The following SNTB1 variants were observed in gnomAD, a reference collection of about 807,000 sequenced individuals.
SNTB1 encodes beta-1-syntrophin.
Under a neutral mutation model 48.9 loss-of-function variants are expected in SNTB1, and 36 were observed. The observed-to-expected ratio is 0.74, with a 90% CI of 0.56 to 0.97. SNTB1 has a LOEUF of 0.97. Ranked by LOEUF, SNTB1 falls within the 50% of genes least tolerant of loss-of-function variation. SNTB1 has a pLI of 0.00. For synonymous variants in SNTB1, 299 were observed against 294.6 expected (o/e 1.01, Z -0.15); for missense variants, 786 against 703.4 (o/e 1.12, Z -1.33).
intron 1 of SNTB1, among the ~76,000 whole-genome samples, chr8:120,746,796 T>G (rs1587131174): frequency 6.6e-6 from 1 of 152,346 alleles, no homozygotes; most frequent in African/African-American, 2.4e-5. Context: ...TTTCCTATAT[T>G]CAGGCTATAG....
intron 3 of SNTB1, among the ~76,000 whole-genome samples, chr8:120,599,707 A>T (rs1470954851): frequency 6.6e-6 from 1 of 152,330 alleles, no homozygotes; most frequent in East Asian, 1.9e-4. Context: ...TGTCAAAGAG[A>T]TGTCGTAGTT....
chr8:120,571,418 C>A (rs1815842355), intron 4 of SNTB1: 1 of 1,005,592 alleles, frequency 9.9e-7, no homozygotes, highest in South Asian at 1.3e-5. Flanking sequence ...TCTCATGGAC[C>A]CCAAGGCACA....
rs764361263 is a variant in SNTB1 at position 120,548,857 on chromosome 8, A to G, written c.1238T>C (p.Phe413Ser). ...GAGGTCCCTGCTGGTCTCTGCTCTGAAGAGATGTGTTTCAATCCCTTGCCT... is the reference window on the plus strand; with the variant it reads ...GAGGTCCCTGCTGGTCTCTGCTCTGGAGAGATGTGTTTCAATCCCTTGCCT... ...GTRQGIETHLFRAETSRDLSH... is the reference protein window; with the variant it reads ...GTRQGIETHLSRAETSRDLSH... Residue 413 changes from phenylalanine to serine, a missense_variant, in exon 5 of 7, where the codon TTC becomes TCC. Coordinates refer to ENST00000517992, the MANE Select transcript of SNTB1 (RefSeq NM_021021.4). The G allele has an allele frequency of 2.5e-5, 41 of 1,613,756 alleles. No homozygotes were observed. The Middle Eastern group carries it at 4.9e-4, about 19-fold the overall frequency.
chr8:120,610,398 T>C (rs944972719), intron 3 of SNTB1, among the ~76,000 whole-genome samples: 1 of 152,214 alleles, frequency 6.6e-6, no homozygotes, highest in Non-Finnish European at 1.5e-5. Flanking sequence ...CCTCCCAAAG[T>C]GCTGGGATTA....
intron 1 of SNTB1, among the ~76,000 whole-genome samples, chr8:120,724,760 G>A (rs1189421790): frequency 1.3e-5 from 2 of 152,194 alleles, no homozygotes; most frequent in Admixed American, 6.5e-5. Context: ...GAATTGCACC[G>A]TTGAACTAGG....
chr8:120,753,946 C>T (rs773814622), intron 1 of SNTB1, among the ~76,000 whole-genome samples: 15 of 152,146 alleles, frequency 9.9e-5, no homozygotes, highest in Non-Finnish European at 2.1e-4. Flanking sequence ...ACTGATCCTG[C>T]AATCATAGAT....
At position 120,556,504 on chromosome 8, in the gene SNTB1, C is replaced by T. The variant is rs867220491; in HGVS notation, c.1137-7546G>A. 1.8e-4 allele frequency among the ~76,000 whole-genome samples: 27 copies of T among 152,260 alleles called. No individual in the cohort carries two copies. The Middle Eastern group carries it at 0.02, about 115-fold the overall frequency. ...GATTTCACTTATTCTTTATATCATT[C>T]CCAATGAATTGCTTCTGATTATCAA... On this transcript the variant is annotated intron_variant, in intron 4 of 6. Coordinates refer to ENST00000517992, the MANE Select transcript of SNTB1 (RefSeq NM_021021.4).
intron 1 of SNTB1, among the ~76,000 whole-genome samples, chr8:120,786,059 A>C (rs1819918614): frequency 6.6e-6 from 1 of 152,020 alleles, no homozygotes. Context: ...CTTCCCTCCT[A>C]CTCCCATCAG....
At chr8:120,645,470 T>G (rs1587058739) in intron 2 of SNTB1, among the ~76,000 whole-genome samples, 4 of 151,734 alleles carry the variant, frequency 2.6e-5, no homozygotes, top group Admixed American at 1.3e-4. Flanking sequence ...GATCAGATAG[T>G]TGTAGACATG....
intron 1 of SNTB1, among the ~76,000 whole-genome samples, chr8:120,709,084 AAGGGAGGAAAGGAAGG>A (rs1818421953): frequency 6.6e-6 from 1 of 152,064 alleles, no homozygotes. Flanking sequence ...AAATGGAAGG[AAGGGAGGAAAGGAAGG>A]AGGGAGGGAG....
At chr8:120,763,550 G>A (rs1415602278) in intron 1 of SNTB1, among the ~76,000 whole-genome samples, 1 of 152,136 alleles carries the variant, frequency 6.6e-6, no homozygotes, top group East Asian at 1.9e-4. Context: ...AAATCTGCAT[G>A]CCATTTAAAA....
chr8:120,655,102 G>GC, intron 2 of SNTB1: 1 of 320,800 alleles, frequency 3.1e-6, no homozygotes, highest in Non-Finnish European at 6.2e-6. Flanking sequence ...ACATTTTGGG[G>GC]TGTTTTTATT....
At chr8:120,721,646 C>T (rs767440093) in intron 1 of SNTB1, among the ~76,000 whole-genome samples, 1 of 151,598 alleles carries the variant, frequency 6.6e-6, no homozygotes, top group African/African-American at 2.4e-5. Context: ...TTTATGCTAG[C>T]TATTGATGTT....
At chr8:120,678,157 A>G (rs1470417558) in intron 2 of SNTB1, among the ~76,000 whole-genome samples, 1 of 152,184 alleles carries the variant, frequency 6.6e-6, no homozygotes, top group Admixed American at 6.5e-5. Flanking sequence ...ATGAAAGTAA[A>G]TTAATGTTAA....
chr8:120,642,139 TA>T, intron 2 of SNTB1, among the ~76,000 whole-genome samples: 1 of 152,110 alleles, frequency 6.6e-6, no homozygotes, highest in Non-Finnish European at 1.5e-5. Flanking sequence ...TAGGTTCATT[TA>T]AAAAAAGGAC....
At position 120,549,518 on chromosome 8, in the gene SNTB1, C is replaced by T. The variant is rs575444197; in HGVS notation, c.1137-560G>A. Among the ~76,000 whole-genome samples the T allele has an allele frequency of 5.9e-5, 9 of 152,330 alleles. No individual in the cohort carries two copies. The South Asian group carries it at 1.9e-3, about 32-fold the overall frequency. ...AAAGCTCAAGGAAGAACTGGCAATG[C>T]TGGACTTCTTGAGAAGTGGTATGGA... On this transcript the variant is annotated intron_variant, in intron 4 of 6. Transcript: ENST00000517992.
intron 1 of SNTB1, among the ~76,000 whole-genome samples, chr8:120,757,635 C>T (rs981291664): frequency 9.2e-5 from 14 of 152,168 alleles, no homozygotes; most frequent in African/African-American, 3.4e-4. Context: ...ATGTCTCTAG[C>T]AGTTTCTAGT....
At chr8:120,771,125 G>A (rs576309377) in intron 1 of SNTB1, among the ~76,000 whole-genome samples, 2 of 152,274 alleles carry the variant, frequency 1.3e-5, no homozygotes, top group South Asian at 2.1e-4. Flanking sequence ...ATTTGTGGGC[G>A]GAACAGAATA....
intron 1 of SNTB1, among the ~76,000 whole-genome samples, chr8:120,795,188 A>G (rs1198382602): frequency 6.6e-6 from 1 of 152,038 alleles, no homozygotes; most frequent in South Asian, 2.1e-4. Context: ...TAGCAAATCT[A>G]TTAATTAGTT....
Sources: allele counts gnomAD v4.1 joint callset (sites outside exome capture counted in the v4.1 genomes callset), GRCh38; gene constraint gnomAD v4.1.1; transcripts MANE v1.5; gene names NCBI Gene and HGNC (gene_info 2026-07-23, HGNC 2026-07-21).